Variants in PDLIM5 observed in about 807,000 individuals in gnomAD.
PDLIM5 encodes PDZ and LIM domain 5, also known as PDZ and LIM domain protein 5.
A neutral mutation model predicts 64.2 loss-of-function variants in PDLIM5; 34 were observed. The ratio of observed to expected loss-of-function variants is 0.53; its 90% CI spans 0.40 to 0.71. The LOEUF is 0.71. Among genes scored for constraint, PDLIM5 ranks in the 30% least tolerant of loss-of-function variants. The pLI is 0.00. For missense variants in PDLIM5, 683 were observed against 733.6 expected, an observed-to-expected ratio of 0.93 and a Z score of 0.80; for synonymous variants, 253 against 269.1, an observed-to-expected ratio of 0.94 and a Z score of 0.59.
intron 3 of PDLIM5, among the ~76,000 whole-genome samples, chr4:94,540,830 C>T (rs1372851732): frequency 6.6e-6 from 1 of 152,180 alleles, no homozygotes; most frequent in Non-Finnish European, 1.5e-5. Context: ...TCATTTAAAA[C>T]TTATTTGTCA....
At chr4:94,529,142 G>A (rs981454215) in intron 3 of PDLIM5, among the ~76,000 whole-genome samples, 1 of 152,162 alleles carries the variant, frequency 6.6e-6, no homozygotes, top group Non-Finnish European at 1.5e-5. Flanking sequence ...TTGCGAGAAA[G>A]CTCCGGAAAG....
chr4:94,516,544 G>A (rs191589400), intron 2 of PDLIM5, among the ~76,000 whole-genome samples: 1 of 151,586 alleles, frequency 6.6e-6, no homozygotes, highest in East Asian at 1.9e-4. Flanking sequence ...TTTTTAGTTG[G>A]TATGAGGTCT....
At chr4:94,511,709 C>T (rs1398755577) in intron 2 of PDLIM5, among the ~76,000 whole-genome samples, 3 of 152,020 alleles carry the variant, frequency 2.0e-5, no homozygotes. Flanking sequence ...TTTGGTCCCG[C>T]AGATAAGTGA....
intron 7 of PDLIM5, chr4:94,610,140 T>C: frequency 6.8e-7 from 1 of 1,473,822 alleles, no homozygotes; most frequent in Non-Finnish European, 9.0e-7. Flanking sequence ...CCTCTCCTGT[T>C]TTTCTTTCCC....
chr4:94,485,634 C>T (rs1726244568), intron 2 of PDLIM5, among the ~76,000 whole-genome samples: 1 of 151,702 alleles, frequency 6.6e-6, no homozygotes, highest in African/African-American at 2.4e-5. Flanking sequence ...GAGTTCAAGA[C>T]CAGCCTGGCC....
chr4:94,569,746 A>G (rs1734650947), intron 3 of PDLIM5, among the ~76,000 whole-genome samples: 2 of 151,952 alleles, frequency 1.3e-5, no homozygotes, highest in African/African-American at 4.9e-5. Context: ...TGGCACATAG[A>G]ATAAATTTAA....
intron 2 of PDLIM5, among the ~76,000 whole-genome samples, chr4:94,497,197 A>G (rs1011140471): frequency 1.3e-5 from 2 of 152,156 alleles, no homozygotes; most frequent in Admixed American, 6.5e-5. Flanking sequence ...TTGTAAATGG[A>G]TTGAATTGAA....
intron 8 of PDLIM5, among the ~76,000 whole-genome samples, chr4:94,619,840 C>G (rs956200917): frequency 1.1e-4 from 17 of 152,066 alleles, no homozygotes; most frequent in African/African-American, 4.1e-4. Context: ...CCAGGCTGCC[C>G]TCGAACTCCT....
intron 3 of PDLIM5, among the ~76,000 whole-genome samples, chr4:94,558,027 G>A (rs1475480843): frequency 6.6e-6 from 1 of 152,092 alleles, no homozygotes; most frequent in Non-Finnish European, 1.5e-5. Flanking sequence ...CATTCAGTAT[G>A]ATATTGGCTG....
At chr4:94,572,965 G>A (rs1184567207) in intron 3 of PDLIM5, among the ~76,000 whole-genome samples, 28 of 152,170 alleles carry the variant, frequency 1.8e-4, no homozygotes, top group Admixed American at 1.8e-3. Flanking sequence ...GGAGATAGGA[G>A]TCAGATTAGG....
chr4:94,603,913 G>A (rs766813832), intron 7 of PDLIM5, among the ~76,000 whole-genome samples: 1 of 152,140 alleles, frequency 6.6e-6, no homozygotes, highest in Non-Finnish European at 1.5e-5. Flanking sequence ...TGGAAGTAGA[G>A]TCATTTGGAC....
chr4:94,663,491 G>A (rs1362243431), intron 12 of PDLIM5, among the ~76,000 whole-genome samples: 7 of 152,116 alleles, frequency 4.6e-5, no homozygotes, highest in Non-Finnish European at 4.4e-5. Flanking sequence ...AACAAAAGAG[G>A]TCTCAGCTTG....
At chr4:94,454,997 A>G (rs547937628) in intron 1 of PDLIM5, among the ~76,000 whole-genome samples, 1 of 152,222 alleles carries the variant, frequency 6.6e-6, no homozygotes, top group African/African-American at 2.4e-5. Flanking sequence ...GGATTGAAGC[A>G]AGTTGTGAAA....
In PDLIM5 at chr4:94,666,753, C is replaced by T. The variant is rs774048184; in HGVS notation, c.*2686C>T. 4 of 152,204 alleles carry T rather than the reference C, an allele frequency of 2.6e-5. No homozygotes were observed. Among genetic ancestry groups the T allele is most frequent in the Non-Finnish European group, 5.9e-5 (4 of 68,048 alleles). 9.4% of individuals were successfully genotyped at this position (152,204 alleles called of 1,614,324 possible). ...TTCTTTCTACATATTATTCATGAAG[C>T]ATAATGTTGCATTTCTCCAAATTTT... is the stretch of plus-strand genomic sequence containing the variant. On this transcript the variant is annotated 3_prime_UTR_variant, in exon 13 of 13. Transcript: ENST00000317968.
At chr4:94,599,630 A>G (rs1737336235) in intron 7 of PDLIM5, among the ~76,000 whole-genome samples, 1 of 152,126 alleles carries the variant, frequency 6.6e-6, no homozygotes. Context: ...AAACAATTCA[A>G]TAGTAAGGTT....
chr4:94,500,087 AC>A (rs1255438158), intron 2 of PDLIM5, among the ~76,000 whole-genome samples: 2 of 152,216 alleles, frequency 1.3e-5, no homozygotes, highest in African/African-American at 4.8e-5. Flanking sequence ...CCCTGAGGAT[AC>A]CCAGCATGAC....
intron 3 of PDLIM5, among the ~76,000 whole-genome samples, chr4:94,528,732 A>G (rs1453796006): frequency 6.6e-6 from 1 of 152,230 alleles, no homozygotes; most frequent in Non-Finnish European, 1.5e-5. Context: ...ACTGAGACAG[A>G]TAATAAACAA....
chr4:94,649,853 A>C (rs1047014246), intron 9 of PDLIM5, among the ~76,000 whole-genome samples: 1 of 152,198 alleles, frequency 6.6e-6, no homozygotes, highest in Non-Finnish European at 1.5e-5. Context: ...AATTAAGGTT[A>C]CCTTCTTTAG....
Position 94,654,554 on chromosome 4 carries a change from G to A in PDLIM5, c.1378G>A (p.Glu460Lys). Residue 460 changes from glutamate to lysine, a missense_variant, in exon 10 of 13, where the codon GAG becomes AAG. Glu to Lys is a moderately conservative substitution (Grantham distance 56). Coordinates refer to ENST00000317968, the MANE Select transcript of PDLIM5 (RefSeq NM_006457.5). ...KNTMAYIGFVEEKGALYCELC... is the reference protein window; with the variant it reads ...KNTMAYIGFVKEKGALYCELC... ...TACAATGGCCTACATTGGATTTGTAGAGGAGAAAGGAGCCCTGTATTGTGA... is the reference window on the plus strand; with the variant it reads ...TACAATGGCCTACATTGGATTTGTAAAGGAGAAAGGAGCCCTGTATTGTGA... The A allele has an allele frequency of 6.2e-7, 1 of 1,612,076 alleles. No individual in the cohort carries two copies. Among genetic ancestry groups the A allele is most frequent in the Non-Finnish European group, 8.5e-7 (1 of 1,178,152 alleles).
Sources: gnomAD v4.1 joint callset for allele counts (sites outside exome capture counted in the v4.1 genomes callset) on GRCh38, gnomAD v4.1.1 for gene constraint, MANE v1.5 for transcripts, NCBI Gene and HGNC (gene_info 2026-07-23, HGNC 2026-07-21) for gene names.